The following PIBF1 variants were observed in gnomAD, a reference collection of about 807,000 sequenced individuals.
The protein encoded by PIBF1 is progesterone-induced-blocking factor 1.
Under a neutral mutation model 112.5 loss-of-function variants are expected in PIBF1, and 90 were observed. The observed-to-expected ratio is 0.80, with a 90% CI of 0.67 to 0.95. PIBF1 has a LOEUF of 0.95. Ranked by LOEUF, PIBF1 falls within the 40% of genes least tolerant of loss-of-function variation. The pLI is 0.00. For missense variants in PIBF1, 915 were observed against 852.3 expected (o/e 1.07, Z -0.92); for synonymous variants, 301 against 288.6 (o/e 1.04, Z -0.44).
chr13:72,971,563 T>C (rs1566504107), intron 15 of PIBF1, among the ~76,000 whole-genome samples: 1 of 152,228 alleles, frequency 6.6e-6, no homozygotes, highest in Non-Finnish European at 1.5e-5. Context: ...TGCTTACCTT[T>C]ATTGGCATTT....
chr13:72,928,004 T>TATAA (rs144996799), intron 13 of PIBF1, among the ~76,000 whole-genome samples: 1 of 40,372 alleles, frequency 2.5e-5, no homozygotes, highest in African/African-American at 1.2e-4. Context: ...CACATATATA[T>TATAA]ACATATATAT....
At chr13:73,003,747 T>C (rs2043946986) in intron 17 of PIBF1, among the ~76,000 whole-genome samples, 2 of 152,162 alleles carry the variant, frequency 1.3e-5, no homozygotes, top group South Asian at 4.1e-4. Context: ...TCTTGCTCTG[T>C]CACCTAGGCT....
intron 5 of PIBF1, among the ~76,000 whole-genome samples, chr13:72,806,352 T>C (rs562946368): frequency 1.3e-5 from 2 of 151,964 alleles, no homozygotes; most frequent in South Asian, 2.1e-4. Flanking sequence ...TTTATCCATG[T>C]TGTAGCATGT....
intron 10 of PIBF1, among the ~76,000 whole-genome samples, chr13:72,856,537 T>G (rs962011060): frequency 2.0e-5 from 3 of 152,174 alleles, no homozygotes; most frequent in Non-Finnish European, 4.4e-5. Context: ...CAAATAGAGC[T>G]AATGCTCAGG....
chr13:72,845,887 T>A (rs2138270929), intron 9 of PIBF1, among the ~76,000 whole-genome samples: 1 of 152,320 alleles, frequency 6.6e-6, no homozygotes, highest in Non-Finnish European at 1.5e-5. Context: ...CCAAAGCCCC[T>A]AAGACCTTCA....
chr13:72,885,562 AG>A (rs1424188735), intron 10 of PIBF1, among the ~76,000 whole-genome samples: 1 of 152,138 alleles, frequency 6.6e-6, no homozygotes, highest in Non-Finnish European at 1.5e-5. Flanking sequence ...AATATTTACT[AG>A]ATCCTAGGAA....
At chr13:72,841,669 C>T (rs2037616553) in intron 9 of PIBF1, among the ~76,000 whole-genome samples, 1 of 151,982 alleles carries the variant, frequency 6.6e-6, no homozygotes, top group African/African-American at 2.4e-5. Flanking sequence ...ATTAAGGAGG[C>T]TGAGGTGGGA....
chr13:72,881,229 C>G (rs2039619218), intron 10 of PIBF1: 1 of 151,776 alleles, frequency 6.6e-6, no homozygotes, highest in Admixed American at 6.6e-5. Flanking sequence ...ATAGGATCTT[C>G]TATTTGGAAA....
chr13:73,010,805 C>CTTCTCTTTTT (rs1396150238), intron 17 of PIBF1, among the ~76,000 whole-genome samples: 2 of 52,594 alleles, frequency 3.8e-5, no homozygotes, highest in East Asian at 4.6e-4. Flanking sequence ...AAATCATTAA[C>CTTCTCTTTTT]TTTTCTTTTT....
In PIBF1 at chr13:72,917,098, A is replaced by G; in HGVS notation, c.1662A>G (p.Glu554=). Residue 554 remains glutamate (E), a synonymous_variant, in exon 13 of 18, where the codon GAA becomes GAG. Transcript: ENST00000326291. ...TAEIENEDEA[E]RVLFSYGYGA... is the part of the protein sequence containing the mutation. ...CAGTTGAAAATGAAGATGAGGCTGAAAGGGTTCTTTTTTCCTACGGCTATG... is the reference window on the plus strand; with the variant it reads ...CAGTTGAAAATGAAGATGAGGCTGAGAGGGTTCTTTTTTCCTACGGCTATG... 1 of 1,595,032 alleles carries G rather than the reference A, an allele frequency of 6.3e-7. No individual in the cohort carries two copies. The highest frequency in any genetic ancestry group is 1.7e-5 in the Admixed American group (1 of 57,626).
chr13:72,944,020 C>A (rs1400800993), intron 14 of PIBF1, among the ~76,000 whole-genome samples: 1 of 152,064 alleles, frequency 6.6e-6, no homozygotes, highest in Non-Finnish European at 1.5e-5. Context: ...TATTTCTGTT[C>A]TAGAGTTTCA....
intron 8 of PIBF1, among the ~76,000 whole-genome samples, chr13:72,831,110 A>G (rs920795072): frequency 6.6e-6 from 1 of 150,938 alleles, no homozygotes; most frequent in Non-Finnish European, 1.5e-5. Flanking sequence ...ATCGTTGGTG[A>G]GCTCCCCTTT....
intron 14 of PIBF1, among the ~76,000 whole-genome samples, chr13:72,961,368 G>A (rs1457841679): frequency 6.6e-6 from 1 of 151,984 alleles, no homozygotes; most frequent in Non-Finnish European, 1.5e-5. Flanking sequence ...ATTAAAATGA[G>A]TGGAAAACCA....
At chr13:72,877,593 T>C (rs1214185747) in intron 10 of PIBF1, among the ~76,000 whole-genome samples, 1 of 152,162 alleles carries the variant, frequency 6.6e-6, no homozygotes, top group East Asian at 1.9e-4. Context: ...CTGTTTCTTC[T>C]TGTGTCAGTT....
intron 11 of PIBF1, among the ~76,000 whole-genome samples, chr13:72,898,746 G>A (rs2040375857): frequency 6.6e-6 from 1 of 151,746 alleles, no homozygotes; most frequent in Non-Finnish European, 1.5e-5. Flanking sequence ...TACTCAGGAG[G>A]CTGAGGTAGG....
At chr13:72,959,343 G>A (rs1257288659) in intron 14 of PIBF1, among the ~76,000 whole-genome samples, 4 of 152,050 alleles carry the variant, frequency 2.6e-5, no homozygotes, top group African/African-American at 9.7e-5. Flanking sequence ...TGAGAACATA[G>A]AGAAGTTGTA....
chr13:72,852,163 G>A (rs781671036), intron 9 of PIBF1, among the ~76,000 whole-genome samples: 4 of 152,124 alleles, frequency 2.6e-5, no homozygotes, highest in East Asian at 3.9e-4. Context: ...CCCCTCACTC[G>A]CCACATTGCA....
rs2040794351 is a variant in PIBF1, at chr13:72,908,738, G to GCC, written c.1639+58_1639+59dup. 6 of 1,476,564 alleles carry GCC rather than the reference G, an allele frequency of 4.1e-6. No individual in the cohort carries two copies. In the African/African-American group the frequency reaches 8.6e-5, roughly 21 times the overall value. The allele number at this position is 1,476,564 out of a possible 1,614,324, so 91.5% of individuals were successfully genotyped here. A position where few individuals can be genotyped will look rare whatever the true frequency, so the allele number is the denominator to read the frequency against. On this transcript the variant is annotated intron_variant, in intron 12 of 17. Transcript: ENST00000326291. ...TTTTTTTTTTCTGGCAACAAAAGACGCCTGACCTTATTTCTAAAACTACTT... is the reference window on the plus strand; with the variant it reads ...TTTTTTTTTTCTGGCAACAAAAGACGCCCCTGACCTTATTTCTAAAACTACTT...
At position 72,826,915 on chromosome 13, in the gene PIBF1, T is replaced by C; in HGVS notation, c.807-95T>C. 7 of 569,506 alleles carry C rather than the reference T, an allele frequency of 1.2e-5. No homozygotes were observed. The South Asian group carries it at 1.7e-4, about 14-fold the overall frequency. 35.3% of individuals were successfully genotyped at this position (569,506 alleles called of 1,614,324 possible). On this transcript the variant is annotated intron_variant, in intron 6 of 17. Transcript: ENST00000326291. ...ACTGAAGCCCCATTGCTAGTGTCTC[T>C]ATTCAGCGTCCTAATACATAGTCAA...
Sources: gnomAD v4.1 joint callset for allele counts (sites outside exome capture counted in the v4.1 genomes callset) on GRCh38, gnomAD v4.1.1 for gene constraint, MANE v1.5 for transcripts, NCBI Gene and HGNC (gene_info 2026-07-23, HGNC 2026-07-21) for gene names.